Variants in CHCHD3 observed in about 807,000 individuals in gnomAD.
CHCHD3 encodes MICOS complex subunit MIC19.
Under a neutral mutation model 38.2 loss-of-function variants are expected in CHCHD3, and 20 were observed. The observed-to-expected ratio is 0.52, with a 90% confidence interval of 0.37 to 0.76. The LOEUF is 0.76. CHCHD3 is among the 30% of genes least tolerant of loss of function. CHCHD3 has a pLI of 0.00. For synonymous variants in CHCHD3, 82 were observed against 100.0 expected (o/e 0.82, Z 1.07); for missense variants, 245 against 279.2 (o/e 0.88, Z 0.87).
intron 3 of CHCHD3, among the ~76,000 whole-genome samples, chr7:132,981,955 G>A (rs1811927867): frequency 6.6e-6 from 1 of 152,126 alleles, no homozygotes; most frequent in African/African-American, 2.4e-5. Flanking sequence ...AGAAAAATGA[G>A]TGACGACAAC....
chr7:133,027,373 GAGAGAGAGAGAGAA>G (rs1157380296), intron 2 of CHCHD3, among the ~76,000 whole-genome samples: 1 of 134,330 alleles, frequency 7.4e-6, no homozygotes, highest in African/African-American at 2.8e-5. Flanking sequence ...AAGAGAGAGA[GAGAGAGAGAGAGAA>G]AGAGAGAGAG....
intron 5 of CHCHD3, among the ~76,000 whole-genome samples, chr7:132,876,957 G>A (rs188744626): frequency 8.5e-5 from 13 of 152,126 alleles, no homozygotes; most frequent in African/African-American, 1.4e-4. Context: ...ATTTAATACC[G>A]CTGTACTGTA....
rs1584626100 is a variant in CHCHD3 at position 132,989,921 on chromosome 7, T to C, written c.252-14635A>G. On this transcript the variant is annotated intron_variant, in intron 3 of 7. Transcript: ENST00000262570. ...TAATATTCAATATACGGGTGAATAA[T>C]GGTGGGAATGGGGAGGTAAAGACAC... is the stretch of plus-strand genomic sequence containing the variant. 2.0e-5 allele frequency among the ~76,000 whole-genome samples: 3 copies of C among 152,124 alleles called. No individual in the cohort carries two copies. The East Asian group carries it at 5.8e-4, about 29-fold the overall frequency.
chr7:132,862,223 T>C (rs1808513924), intron 5 of CHCHD3, among the ~76,000 whole-genome samples: 1 of 150,314 alleles, frequency 6.7e-6, no homozygotes. Context: ...GATGGAGAAA[T>C]GAGGGGAGAG....
At chr7:133,048,676 C>T (rs1019342078) in intron 2 of CHCHD3, among the ~76,000 whole-genome samples, 1 of 152,102 alleles carries the variant, frequency 6.6e-6, no homozygotes, top group African/African-American at 2.4e-5. Context: ...AGGAAACTCC[C>T]CCCTAAAACA....
chr7:132,985,492 A>T (rs376730474), intron 3 of CHCHD3, among the ~76,000 whole-genome samples: 2 of 27,438 alleles, frequency 7.3e-5, no homozygotes, highest in Non-Finnish European at 7.4e-5. Flanking sequence ...CGCCCCGTCC[A>T]GGAGGGAGGT....
At chr7:133,056,698 A>C (rs1814347404) in intron 2 of CHCHD3, among the ~76,000 whole-genome samples, 1 of 152,216 alleles carries the variant, frequency 6.6e-6, no homozygotes, top group African/African-American at 2.4e-5. Flanking sequence ...AAAAGGTGGC[A>C]GTGAAGTTAT....
intron 4 of CHCHD3, among the ~76,000 whole-genome samples, chr7:132,970,140 C>T (rs1472936040): frequency 1.3e-5 from 2 of 152,200 alleles, no homozygotes; most frequent in Admixed American, 6.5e-5. Context: ...CTAACTGCCA[C>T]AATGATTCCC....
intron 5 of CHCHD3, among the ~76,000 whole-genome samples, chr7:132,879,332 C>A (rs540658410): frequency 1.0e-3 from 156 of 152,130 alleles, no homozygotes; most frequent in Middle Eastern, 0.01. Context: ...TTGTATTATA[C>A]CTAACTAAAT....
At chr7:132,820,363 T>C (rs1482830215) in intron 6 of CHCHD3, among the ~76,000 whole-genome samples, 1 of 152,210 alleles carries the variant, frequency 6.6e-6, no homozygotes, top group African/African-American at 2.4e-5. Context: ...TAAGATAGCA[T>C]ATTATCAGTT....
chr7:133,060,648 C>T (rs1814478121), intron 2 of CHCHD3, among the ~76,000 whole-genome samples: 2 of 152,170 alleles, frequency 1.3e-5, no homozygotes, highest in South Asian at 4.1e-4. Context: ...GTGGCTCAGG[C>T]CTGTAATCCC....
At chr7:133,045,914 T>C (rs947168743) in intron 2 of CHCHD3, among the ~76,000 whole-genome samples, 6 of 152,110 alleles carry the variant, frequency 3.9e-5, no homozygotes, top group Admixed American at 2.0e-4. Context: ...CCTGCCATGA[T>C]TGTAAGTTTC....
intron 3 of CHCHD3, among the ~76,000 whole-genome samples, chr7:133,009,457 C>A (rs891926975): frequency 2.0e-5 from 3 of 150,780 alleles, no homozygotes; most frequent in African/African-American, 7.3e-5. Context: ...TCTCTGGTGC[C>A]TGGAGAGAGC....
intron 5 of CHCHD3, among the ~76,000 whole-genome samples, chr7:132,885,078 C>A (rs1809170416): frequency 6.6e-6 from 1 of 151,942 alleles, no homozygotes; most frequent in Non-Finnish European, 1.5e-5. Context: ...ATGGTGAAAC[C>A]CTGTCTCTAA....
At chr7:133,051,528 T>C (rs1011669156) in intron 2 of CHCHD3, among the ~76,000 whole-genome samples, 3 of 152,214 alleles carry the variant, frequency 2.0e-5, no homozygotes, top group Non-Finnish European at 2.9e-5. Context: ...TAATGCAACA[T>C]AAATAAATTC....
chr7:133,051,363 AAC>A (rs1814157944), intron 2 of CHCHD3, among the ~76,000 whole-genome samples: 1 of 152,144 alleles, frequency 6.6e-6, no homozygotes, highest in Non-Finnish European at 1.5e-5. Flanking sequence ...TCCAAACCAA[AAC>A]ACAGCTGCTC....
intron 4 of CHCHD3, among the ~76,000 whole-genome samples, chr7:132,941,858 T>A (rs992603095): frequency 2.0e-5 from 3 of 152,158 alleles, no homozygotes; most frequent in Non-Finnish European, 4.4e-5. Context: ...CTGATTAACA[T>A]TGTCAAAAAT....
At chr7:132,972,486 T>C (rs1419254807) in intron 4 of CHCHD3, 7 of 729,360 alleles carry the variant, frequency 9.6e-6, no homozygotes, top group Non-Finnish European at 1.2e-5. Flanking sequence ...GTACATTGAG[T>C]GATTTTAGTA....
chr7:132,831,045 A>G (rs1807636012), intron 6 of CHCHD3, among the ~76,000 whole-genome samples: 1 of 152,200 alleles, frequency 6.6e-6, no homozygotes, highest in Admixed American at 6.5e-5. Flanking sequence ...GCAGAATTTA[A>G]TTAGTTAGTA....
Sources: gnomAD v4.1 joint callset for allele counts (sites outside exome capture counted in the v4.1 genomes callset) on GRCh38, gnomAD v4.1.1 for gene constraint, MANE v1.5 for transcripts, NCBI Gene and HGNC (gene_info 2026-07-23, HGNC 2026-07-21) for gene names.